ELAVL1: variants seen among roughly 807,000 people sequenced by gnomAD.
ELAVL1 encodes the protein ELAV-like protein 1.
Under a neutral mutation model 28.4 loss-of-function variants are expected in ELAVL1, and 1 was observed. The ratio of observed to expected loss-of-function variants is 0.04; its 90% CI spans 0.01 to 0.17. The LOEUF (loss-of-function observed/expected upper bound fraction) is 0.17. Among genes scored for constraint, ELAVL1 ranks in the 10% least tolerant of loss-of-function variants. The probability of loss-of-function intolerance (pLI) is 1.00; values close to 1 mark genes in which losing one functional copy is unlikely to be tolerated. For missense variants in ELAVL1, 157 were observed against 447.2 expected (o/e 0.35, Z 5.85); for synonymous variants, 174 against 183.5 (o/e 0.95, Z 0.42).
At chr19:7,984,441 A>G (rs540918516) in intron 2 of ELAVL1, among the ~76,000 whole-genome samples, 1 of 152,352 alleles carries the variant, frequency 6.6e-6, no homozygotes, top group South Asian at 2.1e-4. Flanking sequence ...AGGCAGAGAC[A>G]ATGCCAGTGT....
At chr19:7,978,437 C>T (rs946956124) in intron 3 of ELAVL1, among the ~76,000 whole-genome samples, 2 of 152,096 alleles carry the variant, frequency 1.3e-5, no homozygotes, top group South Asian at 2.1e-4. Flanking sequence ...AAGAGTCAAT[C>T]GGTCATGCAT....
chr19:7,987,207 G>A (rs986687542), intron 2 of ELAVL1, among the ~76,000 whole-genome samples: 1 of 152,138 alleles, frequency 6.6e-6, no homozygotes, highest in Middle Eastern at 3.4e-3. Flanking sequence ...TCCGGGATGT[G>A]GTTAAAGCCT....
At chr19:7,996,818 A>G (rs1041238925) in intron 1 of ELAVL1, among the ~76,000 whole-genome samples, 1 of 152,134 alleles carries the variant, frequency 6.6e-6, no homozygotes, top group Non-Finnish European at 1.5e-5. Context: ...ATCTCCAAAA[A>G]CCAAAAACAA....
intron 1 of ELAVL1, among the ~76,000 whole-genome samples, chr19:7,998,796 C>T (rs11878283): frequency 0.23 from 35,116 of 151,826 alleles, 4,345 homozygotes; most frequent in Non-Finnish European, 0.28. Flanking sequence ...CAGCTCACTT[C>T]TATTTTTACT....
chr19:8,000,824 A>T (rs1179534085), intron 1 of ELAVL1, among the ~76,000 whole-genome samples: 1 of 152,246 alleles, frequency 6.6e-6, no homozygotes. Context: ...CAGGCTGAGA[A>T]GCCCGGGGCA....
chr19:7,979,080 A>AC lies in ELAVL1; in HGVS notation c.276+2002dup, dbSNP rs1034992758. On this transcript the variant is annotated intron_variant, in intron 3 of 5. Transcript: ENST00000407627. The surrounding 1 kb of genome is among the most constrained non-coding windows in gnomAD (Gnocchi z 5.4). ...AATGAACACACTTGGAGCACAGAGG[A>AC]CCCCAGGGCTGCGCCGGGGGAACTG... Among the ~76,000 whole-genome samples the AC allele has an allele frequency of 4.6e-5, 7 of 152,264 alleles. No individual in the cohort carries two copies. Among genetic ancestry groups the AC allele is most frequent in the South Asian group, 2.1e-4 (1 of 4,818 alleles).
chr19:7,988,229 G>C (rs1985656517), intron 2 of ELAVL1, among the ~76,000 whole-genome samples: 1 of 152,174 alleles, frequency 6.6e-6, no homozygotes. Flanking sequence ...CGAGTGGCTG[G>C]CTTTAGGGAG....
In ELAVL1 at chr19:8,000,281, T is replaced by C. The variant is rs371981799; in HGVS notation, c.-17+5214A>G. ...AAGGTTTTTGACTCCAATGCACTATTTTAAACAATCCTGGTTGTCTATGTG... is the reference window on the plus strand; with the variant it reads ...AAGGTTTTTGACTCCAATGCACTATCTTAAACAATCCTGGTTGTCTATGTG... On this transcript the variant is annotated intron_variant, in intron 1 of 5. Transcript: ENST00000407627. Among the ~76,000 whole-genome samples the C allele has an allele frequency of 2.4e-3, 370 of 152,284 alleles. 1 individual carries two copies. The highest frequency in any genetic ancestry group is 8.0e-3 in the African/African-American group (334 of 41,558).
chr19:7,971,373 T>C lies in ELAVL1; in HGVS notation c.430+2352A>G, dbSNP rs949905618. Among the ~76,000 whole-genome samples the C allele has an allele frequency of 3.9e-5, 6 of 152,070 alleles. No individual in the cohort carries two copies. The South Asian group carries it at 1.2e-3, about 31-fold the overall frequency. On this transcript the variant is annotated intron_variant, in intron 4 of 5. Coordinates refer to ENST00000407627, the MANE Select transcript of ELAVL1 (RefSeq NM_001419.3). The stretch of plus-strand genomic sequence containing the variant: ...ACACAGACAGGCCGAGGCAGAGCAG[T>C]GCATGTGGGGTCTAGAGGAGGAGGG...
At chr19:8,004,808 C>T (rs1486540981) in intron 1 of ELAVL1, among the ~76,000 whole-genome samples, 1 of 152,164 alleles carries the variant, frequency 6.6e-6, no homozygotes, top group African/African-American at 2.4e-5. Flanking sequence ...TAACAAGCCC[C>T]GCAGCCCAGA....
At chr19:8,000,374 C>T (rs2081063578) in intron 1 of ELAVL1, among the ~76,000 whole-genome samples, 1 of 152,212 alleles carries the variant, frequency 6.6e-6, no homozygotes, top group African/African-American at 2.4e-5. Context: ...ATGTGTGTGT[C>T]TTTATGTGTG....
At chr19:7,992,248 TAG>T (rs950185009) in intron 1 of ELAVL1, among the ~76,000 whole-genome samples, 20 of 152,098 alleles carry the variant, frequency 1.3e-4, no homozygotes, top group Non-Finnish European at 1.5e-5. Flanking sequence ...GCCCTGCACT[TAG>T]AGATTCTTTT....
At position 7,981,098 on chromosome 19, in the gene ELAVL1, C is replaced by T. The variant is rs967166416; in HGVS notation, c.261G>A (p.Gln87=). Residue 87 remains glutamine, a synonymous_variant, in exon 3 of 6, where the codon CAG becomes CAA. Transcript: ENST00000407627. This position sits in a 1 kb window ranked among gnomAD's most constrained non-coding sequence, Gnocchi z 4.2. ...ATCCCTTTACCTTAATGGTTTTTGA[C>T]TGGAGCCTCAAGCCGTTCAGCGTGT... The part of the protein sequence containing the change: ...AINTLNGLRL[Q]SKTIKVSYAR... The T allele has an allele frequency of 2.5e-6, 4 of 1,614,146 alleles. No individual in the cohort carries two copies. The highest frequency in any genetic ancestry group is 2.2e-5 in the East Asian group (1 of 44,866).
chr19:8,001,180 T>C (rs1234128856), intron 1 of ELAVL1, among the ~76,000 whole-genome samples: 1 of 152,140 alleles, frequency 6.6e-6, no homozygotes, highest in Non-Finnish European at 1.5e-5. Context: ...TCAAGGCGAA[T>C]GTATGTCTCC....
Position 7,963,899 on chromosome 19 carries a change from G to GAC in ELAVL1, c.657-93_657-92insGT. 1 of 1,408,964 alleles carries GAC rather than the reference G, an allele frequency of 7.1e-7. No homozygotes were observed. Among genetic ancestry groups the GAC allele is most frequent in the African/African-American group, 1.4e-5 (1 of 69,814 alleles). The allele number at this position is 1,408,964 out of a possible 1,614,324, so 87.3% of individuals were successfully genotyped here. On this transcript the variant is annotated intron_variant, in intron 5 of 5. Transcript: ENST00000407627. The surrounding 1 kb of genome is among the most constrained non-coding windows in gnomAD (Gnocchi z 4.5). Reference sequence around the variant, plus strand: ...GGACGCATGCTGACCATGGCCGCTGGGCCCCATCCCGCTCTGCGCAGCCAC... The same window carrying GAC: ...GGACGCATGCTGACCATGGCCGCTGGACGCCCCATCCCGCTCTGCGCAGCCAC...
chr19:7,993,125 CGAGTGTTCTCCACAATTTTTCTG>C (rs1278341145), intron 1 of ELAVL1, among the ~76,000 whole-genome samples: 1 of 152,148 alleles, frequency 6.6e-6, no homozygotes, highest in Non-Finnish European at 1.5e-5. Context: ...TGCTACAGAA[CGAGTGTTCTCCACAATTTTTCTG>C]TAAACCTAAA....
At chr19:7,999,719 A>T (rs1159438329) in intron 1 of ELAVL1, among the ~76,000 whole-genome samples, 2 of 151,976 alleles carry the variant, frequency 1.3e-5, no homozygotes, top group Non-Finnish European at 2.9e-5. Context: ...AGTACCTAGG[A>T]CTGCAGGTGC....
chr19:7,966,571 C>T (rs775801190), intron 5 of ELAVL1, among the ~76,000 whole-genome samples: 3 of 152,188 alleles, frequency 2.0e-5, no homozygotes, highest in Non-Finnish European at 2.9e-5. Context: ...TACTCTCACC[C>T]GAGTATACCT....
Position 7,979,816 on chromosome 19 carries a change from G to A in ELAVL1, c.276+1267C>T, listed in dbSNP as rs1241986179. Among the ~76,000 whole-genome samples, 1 of 152,194 alleles carries A rather than the reference G, an allele frequency of 6.6e-6. No individual in the cohort carries two copies. The highest frequency in any genetic ancestry group is 1.5e-5 in the Non-Finnish European group (1 of 68,034). ...GCTGCTGAGCCAGGGTTTGGCCACT[G>A]AGTAACCAAGATCATGGGGCAGTCT... On this transcript the variant is annotated intron_variant, in intron 3 of 5. Coordinates refer to ENST00000407627, the MANE Select transcript of ELAVL1 (RefSeq NM_001419.3). The surrounding 1 kb of genome is among the most constrained non-coding windows in gnomAD (Gnocchi z 5.4).
Sources: gnomAD v4.1 joint callset for allele counts (sites outside exome capture counted in the v4.1 genomes callset) on GRCh38, gnomAD v4.1.1 for gene constraint, Gnocchi (gnomAD v3.1) non-coding constraint, MANE v1.5 for transcripts, NCBI Gene and HGNC (gene_info 2026-07-23, HGNC 2026-07-21) for gene names.